Variants in PCID2 observed in about 807,000 individuals in gnomAD.
PCID2 encodes the protein PCI domain-containing protein 2.
A neutral mutation model predicts 61.3 loss-of-function variants in PCID2; 41 were observed. The observed-to-expected ratio is 0.67, with a 90% CI of 0.52 to 0.87. PCID2 has a LOEUF of 0.87. Ranked by LOEUF, PCID2 falls within the 40% of genes least tolerant of loss-of-function variation. The pLI, the probability that PCID2 is intolerant of heterozygous loss-of-function variation, is 0.00. For synonymous variants in PCID2, 187 were observed against 177.8 expected (o/e 1.05, Z -0.41); for missense variants, 392 against 493.4 (o/e 0.79, Z 1.95).
rs572216994 is a variant in PCID2, at chr13:113,194,895, A to G, written c.363+176T>C. 6.6e-5 allele frequency among the ~76,000 whole-genome samples: 10 copies of G among 152,278 alleles called. No individual in the cohort carries two copies. In the South Asian group the frequency reaches 2.1e-3, roughly 32 times the overall value. On this transcript the variant is annotated intron_variant, in intron 6 of 13. Coordinates refer to ENST00000337344, the MANE Select transcript of PCID2 (RefSeq NM_001127202.4). ...GAAATCTGAGCAAATGTTTATATAA[A>G]TCTGTTGGTGTTAACCCAGAAAGAA...
the PCID2 span, chr13:113,171,612 A>G: frequency 6.2e-7 from 1 of 1,614,202 alleles, no homozygotes; most frequent in East Asian, 2.2e-5. The surrounding 1 kb of genome is among the most constrained non-coding windows in gnomAD (Gnocchi z 5.1). Flanking sequence ...AGAACGAGCC[A>G]AGACCCGCTG....
rs1450143014 is a variant in PCID2, at chr13:113,179,710, T to G, written c.986+207A>C. Among the ~76,000 whole-genome samples the G allele has an allele frequency of 6.6e-6, 1 of 152,166 alleles. No individual in the cohort carries two copies. The highest frequency in any genetic ancestry group is 1.5e-5 in the Non-Finnish European group (1 of 68,020). On this transcript the variant is annotated intron_variant, in intron 12 of 13. Coordinates refer to ENST00000337344, the MANE Select transcript of PCID2 (RefSeq NM_001127202.4). This position sits in a 1 kb window ranked among gnomAD's most constrained non-coding sequence, Gnocchi z 4.3. ...AGAACCTGCTTACCTCCCCCACAAGTCCAGGCACAGCTTGTGCTACTCACG... is the reference window on the plus strand; with the variant it reads ...AGAACCTGCTTACCTCCCCCACAAGGCCAGGCACAGCTTGTGCTACTCACG...
intron 6 of PCID2, among the ~76,000 whole-genome samples, chr13:113,194,212 C>T (rs1476650023): frequency 6.6e-6 from 1 of 152,186 alleles, no homozygotes; most frequent in East Asian, 1.9e-4. Context: ...TGGGACGGAC[C>T]TGCTGACTTC....
Position 113,185,574 on chromosome 13 carries a change from A to T in PCID2, c.468-14T>A, listed in dbSNP as rs1555401884. 1.0e-5 allele frequency: 16 copies of T among 1,568,192 alleles called. No individual in the cohort carries two copies. Among genetic ancestry groups the T allele is most frequent in the Non-Finnish European group, 9.6e-6 (11 of 1,144,048 alleles). On this transcript the variant is annotated splice_polypyrimidine_tract_variant and intron_variant, in intron 7 of 13. Coordinates refer to ENST00000337344, the MANE Select transcript of PCID2 (RefSeq NM_001127202.4). ...ATACCAGCACGGCTATGGGGAAATA[A>T]TTTTTTTTAAGTTACATAGGAAATA... is the stretch of plus-strand genomic sequence containing the variant.
chr13:113,190,075 G>A (rs190545470), intron 7 of PCID2, among the ~76,000 whole-genome samples: 30 of 152,004 alleles, frequency 2.0e-4, no homozygotes, highest in Non-Finnish European at 3.7e-4. Flanking sequence ...GCCTGTGAGG[G>A]ATAATATCAT....
chr13:113,167,490 T>A, the PCID2 span, among the ~76,000 whole-genome samples: 1 of 152,242 alleles, frequency 6.6e-6, no homozygotes, highest in Non-Finnish European at 1.5e-5. Flanking sequence ...TTTATTTCAT[T>A]TAATCTTTCA....
rs1201104377 is a variant in PCID2 at position 113,179,690 on chromosome 13, C to T, written c.986+227G>A. Among the ~76,000 whole-genome samples the T allele has an allele frequency of 2.0e-5, 3 of 152,208 alleles. No homozygotes were observed. The highest frequency in any genetic ancestry group is 6.5e-5 in the Admixed American group (1 of 15,284). Reference sequence around the variant, plus strand: ...CTCAAGTTGTCTTCTCACATAGAACCTGCTTACCTCCCCCACAAGTCCAGG... The same window carrying T: ...CTCAAGTTGTCTTCTCACATAGAACTTGCTTACCTCCCCCACAAGTCCAGG... On this transcript the variant is annotated intron_variant, in intron 12 of 13. Transcript: ENST00000337344. This position sits in a 1 kb window ranked among gnomAD's most constrained non-coding sequence, Gnocchi z 4.3.
chr13:113,178,009 C>T lies in PCID2; in HGVS notation c.*189G>A, dbSNP rs1242619559. ...AAAGGAATTCCAGGTTTTCATCAGG[C>T]TGAAATTAGTTACAAATGAAGGAGA... On this transcript the variant is annotated 3_prime_UTR_variant, in exon 14 of 14. Transcript: ENST00000337344. 2 of 468,036 alleles carry T rather than the reference C, an allele frequency of 4.3e-6. No homozygotes were observed. The highest frequency in any genetic ancestry group is 7.7e-6 in the Non-Finnish European group (2 of 259,406). 29.0% of individuals were successfully genotyped at this position (468,036 alleles called of 1,614,324 possible). A position where few individuals can be genotyped will look rare whatever the true frequency, so the allele number is the denominator to read the frequency against.
At chr13:113,167,334 A>T in the PCID2 span, among the ~76,000 whole-genome samples, 1 of 152,226 alleles carries the variant, frequency 6.6e-6, no homozygotes, top group South Asian at 2.1e-4. Flanking sequence ...GCTATTATTC[A>T]TAAACACATG....
At chr13:113,207,171 A>C (rs1346909819) in intron 1 of PCID2, among the ~76,000 whole-genome samples, 1 of 152,206 alleles carries the variant, frequency 6.6e-6, no homozygotes, top group Non-Finnish European at 1.5e-5. Flanking sequence ...TCTCATATCC[A>C]GATGTGTTTG....
intron 7 of PCID2, 33 bp downstream of exon 7, chr13:113,190,839 C>T (rs777384623): frequency 4.4e-5 from 58 of 1,331,792 alleles, no homozygotes; most frequent in Non-Finnish European, 5.3e-5. Context: ...CCACCAACAG[C>T]GTCTGGTGGT....
At chr13:113,178,346 T>C in intron 13 of PCID2, 59 bp from the exon 14 acceptor site, 1 of 1,251,954 alleles carries the variant, frequency 8.0e-7, no homozygotes, top group Admixed American at 1.7e-5. Flanking sequence ...ATGTCAAAGA[T>C]GCTGGGTGAT....
intron 1 of PCID2, among the ~76,000 whole-genome samples, chr13:113,207,462 T>A (rs7998281): frequency 0.93 from 141,000 of 152,148 alleles, 66,281 homozygotes; most frequent in East Asian, 1. Context: ...TTAAGTCTGC[T>A]AAGATTAGGC....
Position 113,206,216 on chromosome 13 carries a change from G to T in PCID2, c.36+2383C>A, listed in dbSNP as rs1038791678. Among the ~76,000 whole-genome samples, 15 of 152,202 alleles carry T rather than the reference G, an allele frequency of 9.9e-5. No homozygotes were observed. In the South Asian group the frequency reaches 1.7e-3, roughly 17 times the overall value. ...GGTCTTTTTAATTCTCACAACTTAT[G>T]TGAAGCCTGTTTAGAGATGGAGAGT... On this transcript the variant is annotated intron_variant, in intron 1 of 13. Transcript: ENST00000337344.
intron 1 of PCID2, among the ~76,000 whole-genome samples, chr13:113,200,982 A>G (rs1483782966): frequency 1.3e-5 from 2 of 152,196 alleles, no homozygotes; most frequent in African/African-American, 4.8e-5. Context: ...AATAAAAATA[A>G]GTCAGTGGTT....
At chr13:113,165,555 G>T in the PCID2 span, among the ~76,000 whole-genome samples, 1 of 152,080 alleles carries the variant, frequency 6.6e-6, no homozygotes, top group African/African-American at 2.4e-5. Flanking sequence ...TTTTGAGATG[G>T]AGTCTCAATC....
chr13:113,188,558 C>A (rs1229002972), intron 7 of PCID2: 2 of 152,144 alleles, frequency 1.3e-5, no homozygotes, highest in Admixed American at 6.5e-5. Flanking sequence ...AGTGCCACAG[C>A]GGCTGACAAT....
chr13:113,181,874 C>A (rs749883165), intron 9 of PCID2, among the ~76,000 whole-genome samples: 5 of 152,176 alleles, frequency 3.3e-5, no homozygotes, highest in African/African-American at 7.2e-5. Flanking sequence ...GACAGGCCTG[C>A]AAAGAGTTCA....
At chr13:113,172,972 A>G (rs1219066273), downstream of PCID2, among the ~76,000 whole-genome samples, 1 of 152,122 alleles carries the variant, frequency 6.6e-6, no homozygotes, top group Non-Finnish European at 1.5e-5. Flanking sequence ...CCCCAAGATG[A>G]TGATATGGGG....
Sources: gnomAD v4.1 joint callset for allele counts (sites outside exome capture counted in the v4.1 genomes callset) on GRCh38, gnomAD v4.1.1 for gene constraint, Gnocchi (gnomAD v3.1) non-coding constraint, MANE v1.5 for transcripts, NCBI Gene and HGNC (gene_info 2026-07-23, HGNC 2026-07-21) for gene names.